C1R: variants seen among roughly 807,000 people sequenced by gnomAD.
C1R encodes the protein complement C1r.
Under a neutral mutation model 27.6 loss-of-function variants are expected in C1R, and 15 were observed. The observed-to-expected ratio is 0.54, with a 90% confidence interval of 0.36 to 0.84. The LOEUF (loss-of-function observed/expected upper bound fraction) is 0.84. Ranked by LOEUF, C1R falls within the 40% of genes least tolerant of loss-of-function variation. The pLI, the probability that C1R is intolerant of heterozygous loss-of-function variation, is 0.01. For synonymous variants in C1R, 253 were observed against 228.8 expected (o/e 1.11, Z -0.95); for missense variants, 544 against 577.9 (o/e 0.94, Z 0.60).
Position 7,081,446 on chromosome 12 carries a change from T to C in C1R, c.1349-145A>G, listed in dbSNP as rs1013131025. 2.3e-5 allele frequency: 16 copies of C among 699,074 alleles called. No homozygotes were observed. The African/African-American group carries it at 2.5e-4, about 11-fold the overall frequency. The allele number at this position is 699,074 out of a possible 1,614,324, so 43.3% of individuals were successfully genotyped here. ...TCCTCCCATCCCCACACCTCCGTCA[T>C]TGGCCTATTGACAGGCTCTTCTTGT... On this transcript the variant is annotated intron_variant, in intron 10 of 10. Transcript: ENST00000647956.
At chr12:7,090,350 C>T in intron 2 of C1R, 102 bp from the exon 3 acceptor site, 1 of 637,388 alleles carries the variant, frequency 1.6e-6, no homozygotes, top group South Asian at 1.8e-5. Context: ...GTGCATCATG[C>T]ACCACAATGG....
intron 3 of C1R, 44 bp downstream of exon 3, chr12:7,090,012 T>C: frequency 1.4e-6 from 1 of 730,154 alleles, no homozygotes; most frequent in Non-Finnish European, 2.6e-6. Flanking sequence ...CCCCATTCAA[T>C]ATGGCTGAGG....
chr12:7,081,799 TC>T (rs1938069464), intron 10 of C1R, among the ~76,000 whole-genome samples: 1 of 152,120 alleles, frequency 6.6e-6, no homozygotes, highest in Non-Finnish European at 1.5e-5. Context: ...TGCCCCTTGT[TC>T]TTGTTTATTT....
rs1301979953 is a variant in C1R, at chr12:7,092,235, G to T, written c.2+152C>A. 2.6e-5 allele frequency: 18 copies of T among 703,408 alleles called. No homozygotes were observed. The East Asian group carries it at 4.8e-4, about 19-fold the overall frequency. The allele number at this position is 703,408 out of a possible 1,614,324, so 43.6% of individuals were successfully genotyped here. A position where few individuals can be genotyped will look rare whatever the true frequency, so the allele number is the denominator to read the frequency against. On this transcript the variant is annotated intron_variant, in intron 1 of 10. Transcript: ENST00000647956. ...TCTGATCCCTAGGAGGAGGGATGGG[G>T]CGTGTGTTGTGTGTGTCCACGCGTG...
Position 7,089,465 on chromosome 12 carries a change from G to A in C1R, c.596C>T (p.Thr199Met), listed in dbSNP as rs1433372595. 1.3e-5 allele frequency: 10 copies of A among 777,034 alleles called. No individual in the cohort carries two copies. Among genetic ancestry groups the A allele is most frequent in the South Asian group, 5.4e-5 (4 of 74,254 alleles). The allele number at this position is 777,034 out of a possible 1,614,324, so 48.1% of individuals were successfully genotyped here. The change falls in exon 5 of 11, where the codon ACG becomes ATG. Residue 199 changes from threonine (T) to methionine (M), a missense_variant. By Grantham distance (81) the Thr-to-Met change is moderately conservative. This residue lies in a region of C1R where 291 missense variants were observed against 209.0 expected (regional missense o/e 1.39). Transcript: ENST00000647956. The part of the protein sequence containing the change: ...CQAECSSELY[T>M]EASGYISSLE... ...GCTGGAGATGTAGCCTGATGCCTCC[G>A]TGTACAGCTCGCTGCTGCACTCAGC...
intron 2 of C1R, 34 bp from the exon 3 acceptor site, chr12:7,090,282 T>C (rs1470572012): frequency 1.4e-6 from 1 of 711,608 alleles, no homozygotes; most frequent in African/African-American, 1.8e-5. Flanking sequence ...AGGAAGAAGA[T>C]CTGTTGCGGA....
In C1R at chr12:7,080,810, C is replaced by T. The variant is rs766667537; in HGVS notation, c.1840G>A (p.Val614Ile). 5.2e-5 allele frequency: 84 copies of T among 1,613,934 alleles called. No homozygotes were observed. In the Admixed American group the frequency reaches 6.7e-4, roughly 13 times the overall value. ...TTCTCACAGGCCTGTGGATTAGCTA[C>T]GGGCAGACGGACAAACCTGAGGTCA... The part of the protein sequence containing the change: ...AHDLRFVRLP[V>I]ANPQACENWL... Residue 614 changes from valine to isoleucine, a missense_variant, in exon 11 of 11, where the codon GTA becomes ATA. Physicochemically the swap from Val to Ile is conservative, Grantham distance 29. Around this residue, in one of 2 missense-constraint regions of C1R, gnomAD observed 253 missense variants for 368.9 expected, o/e 0.69. Coordinates refer to ENST00000647956, the MANE Select transcript of C1R (RefSeq NM_001733.7). The surrounding 1 kb of genome is among the most constrained non-coding windows in gnomAD (Gnocchi z 4.9).
At chr12:7,090,308 G>T (rs1938246018) in intron 2 of C1R, 60 bp from the exon 3 acceptor site, 3 of 681,498 alleles carry the variant, frequency 4.4e-6, no homozygotes, top group Non-Finnish European at 8.2e-6. Flanking sequence ...GCACGTGGTG[G>T]CTCAGTGATG....
Position 7,088,984 on chromosome 12 carries a change from G to C in C1R, c.771C>G (p.Ile257Met). ...QVHCPYDQLQ[I>M]YANGKNIGEF... ...CGCCAATGTTCTTCCCGTTGGCATA[G>C]ATCTAGTAGGGGAGGAGGGTTTTTT... Residue 257 changes from isoleucine (I) to methionine (M), a missense_variant and splice_region_variant, in exon 6 of 11, where the codon ATC (isoleucine) becomes ATG (methionine). By Grantham distance (10) the Ile-to-Met change is conservative. Around this residue, in one of 2 missense-constraint regions of C1R, gnomAD observed 291 missense variants for 209.0 expected, o/e 1.39. Coordinates refer to ENST00000647956, the MANE Select transcript of C1R (RefSeq NM_001733.7). 1.4e-6 allele frequency: 1 copy of C among 727,968 alleles called. No individual in the cohort carries two copies. Among genetic ancestry groups the C allele is most frequent in the Non-Finnish European group, 2.5e-6 (1 of 395,692 alleles). The allele number at this position is 727,968 out of a possible 1,614,324, so 45.1% of individuals were successfully genotyped here. A position where few individuals can be genotyped will look rare whatever the true frequency, so the allele number is the denominator to read the frequency against.
Position 7,089,708 on chromosome 12 carries a change from G to T in C1R, c.450C>A (p.Ser150Arg), listed in dbSNP as rs760553459. The T allele has an allele frequency of 2.2e-5, 17 of 780,764 alleles. No homozygotes were observed. In the African/African-American group the frequency reaches 2.7e-4, roughly 12 times the overall value. 48.4% of individuals were successfully genotyped at this position (780,764 alleles called of 1,614,324 possible). Residue 150 changes from serine (S) to arginine (R), a missense_variant, in exon 4 of 11, where the codon AGC (serine) becomes AGA (arginine). Ser to Arg is a moderately radical substitution (Grantham distance 110). Coordinates refer to ENST00000647956, the MANE Select transcript of C1R (RefSeq NM_001733.7). ...AVDLDECASR[S>R]KSGEEDPQPQ... The stretch of plus-strand genomic sequence containing the variant: ...GCTGGGGATCCTCCTCCCCTGATTT[G>T]CTCCGGGAAGCACATTCATCAAGGT...
In C1R at chr12:7,083,619, T is replaced by A. The variant is rs1298214074; in HGVS notation, c.1274-1513A>T. On this transcript the variant is annotated intron_variant, in intron 9 of 10. Transcript: ENST00000647956. ...TTGGTGGTGATGATGACGATGATAG[T>A]GGTCATAGTGGGGATGATGGTGTTG... 2.8e-5 allele frequency among the ~76,000 whole-genome samples: 4 copies of A among 142,078 alleles called. No individual in the cohort carries two copies. The Admixed American group carries it at 2.9e-4, about 10-fold the overall frequency. The allele number at this position is 142,078 out of a possible 152,430, so 93.2% of individuals were successfully genotyped here. A position where few individuals can be genotyped will look rare whatever the true frequency, so the allele number is the denominator to read the frequency against.
At chr12:7,088,306 C>T (rs1429097122) in intron 7 of C1R, 6 of 623,548 alleles carry the variant, frequency 9.6e-6, no homozygotes, top group Middle Eastern at 4.2e-4. Flanking sequence ...GTTGGGGGCC[C>T]TCATCTTCAG....
chr12:7,085,117 G>A (rs918488067), intron 9 of C1R, among the ~76,000 whole-genome samples: 1 of 147,914 alleles, frequency 6.8e-6, no homozygotes, highest in South Asian at 2.2e-4. Flanking sequence ...TGATGATGAT[G>A]TTAGTAATGG....
rs751089506 is a variant in C1R at position 7,089,625 on chromosome 12, G to C, written c.533C>G (p.Pro178Arg). 2.6e-6 allele frequency: 2 copies of C among 780,930 alleles called. No individual in the cohort carries two copies. The highest frequency in any genetic ancestry group is 2.7e-5 in the South Asian group (2 of 74,630). The allele number at this position is 780,930 out of a possible 1,614,324, so 48.4% of individuals were successfully genotyped here. The change falls in exon 4 of 11, where the codon CCA becomes CGA. Residue 178 changes from proline (P) to arginine (R), a missense_variant. Physicochemically the swap from Pro to Arg is moderately radical, Grantham distance 103 (BLOSUM62 -2). Around this residue, in one of 2 missense-constraint regions of C1R, gnomAD observed 291 missense variants for 209.0 expected, o/e 1.39. Coordinates refer to ENST00000647956, the MANE Select transcript of C1R (RefSeq NM_001733.7). ...CCTGTCTTCCTGAAGCTCATAGCCT[G>C]GACGGCAGGAACAGAAGTAGCCTCC... is the stretch of plus-strand genomic sequence containing the variant. ...YVGGYFCSCR[P>R]GYELQEDRHS...
chr12:7,091,176 T>G lies in C1R; in HGVS notation c.231+276A>C. The G allele has an allele frequency of 2.2e-6, 1 of 448,008 alleles. No homozygotes were observed. Among genetic ancestry groups the G allele is most frequent in the Non-Finnish European group, 4.0e-6 (1 of 252,300 alleles). The allele number at this position is 448,008 out of a possible 1,614,324, so 27.8% of individuals were successfully genotyped here. A position where few individuals can be genotyped will look rare whatever the true frequency, so the allele number is the denominator to read the frequency against. On this transcript the variant is annotated intron_variant, in intron 2 of 10. Transcript: ENST00000647956. The surrounding 1 kb of genome is among the most constrained non-coding windows in gnomAD (Gnocchi z 5.1). The stretch of plus-strand genomic sequence containing the variant: ...CAGTGGTTTCCCAAAGACTCTCAGC[T>G]AGACAGCAGATGGGGAAGGTTTTCC...
chr12:7,081,784 C>A (rs781007304), intron 10 of C1R, among the ~76,000 whole-genome samples: 1 of 152,202 alleles, frequency 6.6e-6, no homozygotes, highest in African/African-American at 2.4e-5. Context: ...TGAGCCACCA[C>A]GTCTTGCCCC....
rs1017111744 is a variant in C1R, at chr12:7,089,933, C to T, written c.424+123G>A. The T allele has an allele frequency of 1.7e-5, 12 of 701,458 alleles. No individual in the cohort carries two copies. The African/African-American group carries it at 2.1e-4, about 12-fold the overall frequency. 43.5% of individuals were successfully genotyped at this position (701,458 alleles called of 1,614,324 possible). On this transcript the variant is annotated intron_variant, in intron 3 of 10. Coordinates refer to ENST00000647956, the MANE Select transcript of C1R (RefSeq NM_001733.7). The stretch of plus-strand genomic sequence containing the variant: ...TTGACAGGCCTCGTTAGGAAAAGCT[C>T]TCTCGAGGGGAGGAACAAGGAAAGC...
intron 3 of C1R, 142 bp from the exon 4 acceptor site, chr12:7,089,875 T>G: frequency 1.4e-6 from 1 of 711,854 alleles, no homozygotes; most frequent in South Asian, 1.5e-5. Flanking sequence ...TCCAATGCTC[T>G]CTGGGGACTG....
intron 9 of C1R, among the ~76,000 whole-genome samples, chr12:7,083,080 C>T (rs1938091603): frequency 6.6e-6 from 1 of 152,130 alleles, no homozygotes; most frequent in Non-Finnish European, 1.5e-5. Context: ...GAAAAATACC[C>T]ACTAATGAGT....
Sources: gnomAD v4.1 joint callset for allele counts (sites outside exome capture counted in the v4.1 genomes callset) on GRCh38, gnomAD v4.1.1 for gene constraint, gnomAD v4.1.1 regional missense constraint, Gnocchi (gnomAD v3.1) non-coding constraint, MANE v1.5 for transcripts, NCBI Gene and HGNC (gene_info 2026-07-23, HGNC 2026-07-21) for gene names.